Variants in SUPT3H observed in about 807,000 individuals in gnomAD.
The protein encoded by SUPT3H is transcription initiation protein SPT3 homolog.
A neutral mutation model predicts 44.3 loss-of-function variants in SUPT3H; 44 were observed. The ratio of observed to expected loss-of-function variants is 0.99; its 90% confidence interval spans 0.78 to 1.28. SUPT3H has a LOEUF of 1.28. SUPT3H is among the 50% of genes most tolerant of loss of function. The pLI, the probability that SUPT3H is intolerant of heterozygous loss-of-function variation, is 0.00. For missense variants in SUPT3H, 380 were observed against 387.1 expected, an observed-to-expected ratio of 0.98 and a Z score of 0.15; for synonymous variants, 124 against 125.6, an observed-to-expected ratio of 0.99 and a Z score of 0.09.
At chr6:44,968,354 G>A (rs1777071817) in intron 6 of SUPT3H, among the ~76,000 whole-genome samples, 1 of 152,136 alleles carries the variant, frequency 6.6e-6, no homozygotes, top group Non-Finnish European at 1.5e-5. Flanking sequence ...CTTGCAGAAG[G>A]ATAATATTAA....
At chr6:45,362,162 G>A (rs1055513657) in intron 2 of SUPT3H, among the ~76,000 whole-genome samples, 1 of 152,188 alleles carries the variant, frequency 6.6e-6, no homozygotes, top group Non-Finnish European at 1.5e-5. Flanking sequence ...TCTAATACTA[G>A]GACAGATTGG....
intron 2 of SUPT3H, among the ~76,000 whole-genome samples, chr6:45,290,879 T>C (rs192472462): frequency 1.1e-4 from 17 of 151,978 alleles, no homozygotes; most frequent in African/African-American, 4.1e-4. Context: ...CCCAAGAAAA[T>C]GGATGGATCA....
intron 10 of SUPT3H, among the ~76,000 whole-genome samples, chr6:44,892,526 G>C (rs144958078): frequency 7.2e-5 from 11 of 152,206 alleles, no homozygotes; most frequent in African/African-American, 2.6e-4. Flanking sequence ...GGCAGCCCTA[G>C]CTAACTAAGA....
chr6:45,182,220 T>C lies in SUPT3H; in HGVS notation c.102-76214A>G, dbSNP rs1207596659. Reference sequence around the variant, plus strand: ...TGCTGTTACTGTCCCATAGAGCTTATAGAGAAATAGCTCATTTGTTTGCCT... The same window carrying C: ...TGCTGTTACTGTCCCATAGAGCTTACAGAGAAATAGCTCATTTGTTTGCCT... On this transcript the variant is annotated intron_variant, in intron 2 of 10. Coordinates refer to ENST00000371459, the MANE Select transcript of SUPT3H (RefSeq NM_003599.4). Among the ~76,000 whole-genome samples, 5 of 152,234 alleles carry C rather than the reference T, an allele frequency of 3.3e-5. No homozygotes were observed. In the South Asian group the frequency reaches 1.0e-3, roughly 32 times the overall value.
At chr6:45,037,108 G>A (rs1195804945) in intron 3 of SUPT3H, among the ~76,000 whole-genome samples, 1 of 151,924 alleles carries the variant, frequency 6.6e-6, no homozygotes, top group Admixed American at 6.6e-5. Flanking sequence ...ATTATTGTGA[G>A]GAAAATAAAA....
chr6:45,086,835 A>C (rs1424923054), intron 3 of SUPT3H, among the ~76,000 whole-genome samples: 2 of 151,930 alleles, frequency 1.3e-5, no homozygotes, highest in Non-Finnish European at 2.9e-5. Flanking sequence ...ATTATTAATA[A>C]ATAAAATTTA....
At chr6:45,075,789 T>A (rs896640628) in intron 3 of SUPT3H, among the ~76,000 whole-genome samples, 1 of 97,174 alleles carries the variant, frequency 1.0e-5, no homozygotes, top group Admixed American at 1.3e-4. Context: ...CCACAGTAGT[T>A]CTAAATTCAA....
intron 3 of SUPT3H, among the ~76,000 whole-genome samples, chr6:45,091,937 C>T (rs6922660): frequency 2.6e-5 from 4 of 151,346 alleles, no homozygotes; most frequent in African/African-American, 4.9e-5. Flanking sequence ...AATATCAATA[C>T]GCATACTGGG....
intron 3 of SUPT3H, among the ~76,000 whole-genome samples, chr6:45,090,560 A>C (rs552964935): frequency 1.3e-5 from 2 of 152,148 alleles, no homozygotes; most frequent in East Asian, 3.9e-4. Context: ...GAAAATACCA[A>C]AGTTATTTAG....
At chr6:45,068,376 G>C (rs1377217022) in intron 3 of SUPT3H, among the ~76,000 whole-genome samples, 3 of 145,464 alleles carry the variant, frequency 2.1e-5, no homozygotes, top group Non-Finnish European at 3.0e-5. Context: ...TGACGAGTTA[G>C]TGGGTGCAGC....
intron 10 of SUPT3H, among the ~76,000 whole-genome samples, chr6:44,894,746 T>G (rs1314531818): frequency 6.6e-6 from 1 of 151,770 alleles, no homozygotes; most frequent in South Asian, 2.1e-4. Context: ...AAGTATTATA[T>G]ATTTATTATA....
At chr6:45,266,046 TTTTTTA>T (rs1390745565) in intron 2 of SUPT3H, among the ~76,000 whole-genome samples, 1 of 152,020 alleles carries the variant, frequency 6.6e-6, no homozygotes, top group East Asian at 1.9e-4. Flanking sequence ...ACCACCACGA[TTTTTTA>T]TTTTTAATCA....
chr6:44,914,577 C>T (rs1303616293), intron 10 of SUPT3H, among the ~76,000 whole-genome samples: 1 of 152,162 alleles, frequency 6.6e-6, no homozygotes, highest in Admixed American at 6.5e-5. Context: ...TTTCTTTTGG[C>T]TGCCCTGCAG....
chr6:45,159,395 A>G (rs760765210), intron 2 of SUPT3H: 13 of 152,190 alleles, frequency 8.5e-5, no homozygotes, highest in Non-Finnish European at 1.2e-4. Flanking sequence ...TTCAAAATCA[A>G]TTAGCATGAT....
At chr6:45,339,945 C>T (rs12199871) in intron 2 of SUPT3H, among the ~76,000 whole-genome samples, 32,594 of 152,004 alleles carry the variant, frequency 0.21, 4,410 homozygotes, top group Non-Finnish European at 0.31. Context: ...TTACAACTCC[C>T]TTATATGAGA....
intron 6 of SUPT3H, among the ~76,000 whole-genome samples, chr6:44,986,790 T>C (rs1194515652): frequency 6.6e-6 from 1 of 152,040 alleles, no homozygotes; most frequent in African/African-American, 2.4e-5. Flanking sequence ...GTGAACATAA[T>C]AGATGAAGCT....
chr6:45,293,608 GAAGA>G (rs1341790781), intron 2 of SUPT3H, among the ~76,000 whole-genome samples: 1 of 151,996 alleles, frequency 6.6e-6, no homozygotes, highest in Non-Finnish European at 1.5e-5. Context: ...ACTAAGAAAA[GAAGA>G]GAGAAAATCG....
intron 2 of SUPT3H, among the ~76,000 whole-genome samples, chr6:45,337,779 T>C (rs751379591): frequency 6.6e-6 from 1 of 151,990 alleles, no homozygotes; most frequent in Non-Finnish European, 1.5e-5. Context: ...TTATGTTTAT[T>C]TTTGTTTATT....
intron 10 of SUPT3H, among the ~76,000 whole-genome samples, chr6:44,920,182 A>T (rs774866143): frequency 1.3e-5 from 2 of 152,024 alleles, no homozygotes; most frequent in Non-Finnish European, 2.9e-5. Flanking sequence ...CCAACCCACA[A>T]TCACTTATAT....
Sources: allele counts gnomAD v4.1 joint callset (sites outside exome capture counted in the v4.1 genomes callset), GRCh38; gene constraint gnomAD v4.1.1; transcripts MANE v1.5; gene names NCBI Gene and HGNC (gene_info 2026-07-23, HGNC 2026-07-21).